PDGFC: variants seen among roughly 807,000 people sequenced by gnomAD.
PDGFC encodes the protein platelet-derived growth factor C.
Under a neutral mutation model 35.5 loss-of-function variants are expected in PDGFC, and 12 were observed. The ratio of observed to expected loss-of-function variants is 0.34; its 90% confidence interval spans 0.22 to 0.55. PDGFC has a LOEUF of 0.55. Among genes scored for constraint, PDGFC ranks in the 20% least tolerant of loss-of-function variants. The pLI, the probability that PDGFC is intolerant of heterozygous loss-of-function variation, is 0.91. For missense variants in PDGFC, 322 were observed against 412.4 expected, an observed-to-expected ratio of 0.78 and a Z score of 1.90; for synonymous variants, 159 against 148.8, an observed-to-expected ratio of 1.07 and a Z score of -0.50.
chr4:156,937,331 A>G (rs562778099), intron 1 of PDGFC, among the ~76,000 whole-genome samples: 1 of 152,174 alleles, frequency 6.6e-6, no homozygotes, highest in Non-Finnish European at 1.5e-5. Context: ...CGCAAACCCA[A>G]TATGAGGTAT....
At chr4:156,828,211 T>C (rs1728834268) in intron 2 of PDGFC, among the ~76,000 whole-genome samples, 1 of 152,180 alleles carries the variant, frequency 6.6e-6, no homozygotes, top group Non-Finnish European at 1.5e-5. Context: ...ATCCTTTTTC[T>C]TATACATTTT....
chr4:156,928,694 A>C (rs548702282), intron 1 of PDGFC, among the ~76,000 whole-genome samples: 105 of 152,278 alleles, frequency 6.9e-4, no homozygotes, highest in African/African-American at 2.4e-3. Context: ...GTTTCTTTTT[A>C]CCATTTTTAA....
chr4:156,961,003 C>T (rs943039026), intron 1 of PDGFC, among the ~76,000 whole-genome samples: 1 of 151,948 alleles, frequency 6.6e-6, no homozygotes, highest in African/African-American at 2.4e-5. Context: ...TTTCCCAGAC[C>T]CAGCAAGAAA....
intron 3 of PDGFC, among the ~76,000 whole-genome samples, chr4:156,784,943 G>A (rs1468006128): frequency 6.6e-6 from 1 of 152,148 alleles, no homozygotes; most frequent in East Asian, 1.9e-4. Flanking sequence ...ATTATTAATA[G>A]AGAAAATTAA....
intron 1 of PDGFC, among the ~76,000 whole-genome samples, chr4:156,960,254 A>T (rs575775800): frequency 8.5e-4 from 121 of 141,932 alleles, no homozygotes; most frequent in African/African-American, 2.7e-3. Context: ...TATAACTGTT[A>T]TATATATATA....
At chr4:156,891,267 G>C (rs371646648) in intron 1 of PDGFC, among the ~76,000 whole-genome samples, 15 of 104,840 alleles carry the variant, frequency 1.4e-4, no homozygotes, top group African/African-American at 4.7e-4. Flanking sequence ...GCGACAGAGC[G>C]AGACTCCGTC....
intron 1 of PDGFC, among the ~76,000 whole-genome samples, chr4:156,959,701 G>A (rs988107162): frequency 4.6e-5 from 7 of 151,934 alleles, no homozygotes; most frequent in African/African-American, 1.7e-4. Flanking sequence ...GTAAACTTGT[G>A]GCATTTACAC....
chr4:156,917,279 C>A (rs2110827464), intron 1 of PDGFC, among the ~76,000 whole-genome samples: 1 of 152,324 alleles, frequency 6.6e-6, no homozygotes, highest in Admixed American at 6.5e-5. Context: ...AAAGGTCACA[C>A]TTCACATTTT....
At chr4:156,853,923 A>C (rs1200335637) in intron 1 of PDGFC, among the ~76,000 whole-genome samples, 10 of 152,210 alleles carry the variant, frequency 6.6e-5, no homozygotes, top group Non-Finnish European at 1.5e-4. Context: ...TGATGGCACC[A>C]CTGCACTCCA....
At chr4:156,914,601 A>T (rs760371464) in intron 1 of PDGFC, among the ~76,000 whole-genome samples, 30 of 152,202 alleles carry the variant, frequency 2.0e-4, no homozygotes, top group Non-Finnish European at 3.5e-4. Context: ...AAGCCTATCC[A>T]CTAGGTTACT....
chr4:156,830,986 T>C (rs1375483897), intron 2 of PDGFC, among the ~76,000 whole-genome samples: 3 of 152,166 alleles, frequency 2.0e-5, no homozygotes, highest in African/African-American at 7.2e-5. Flanking sequence ...ATTTTTTGTA[T>C]GCCTATCCCT....
At chr4:156,882,683 A>T (rs1730271447) in intron 1 of PDGFC, among the ~76,000 whole-genome samples, 1 of 152,224 alleles carries the variant, frequency 6.6e-6, no homozygotes, top group African/African-American at 2.4e-5. Context: ...ACTAAAAGTG[A>T]CAGTAAATTC....
At chr4:156,870,618 T>C (rs1484662144) in intron 1 of PDGFC, among the ~76,000 whole-genome samples, 1 of 152,108 alleles carries the variant, frequency 6.6e-6, no homozygotes, top group African/African-American at 2.4e-5. Context: ...CGAAGACACT[T>C]CCACAAGGCT....
At chr4:156,851,731 CAGG>C (rs1729457903) in intron 1 of PDGFC, among the ~76,000 whole-genome samples, 1 of 151,818 alleles carries the variant, frequency 6.6e-6, no homozygotes, top group African/African-American at 2.4e-5. Flanking sequence ...ATCACGAGGT[CAGG>C]AGATCGAGAC....
At chr4:156,796,198 C>T (rs1042673026) in intron 3 of PDGFC, among the ~76,000 whole-genome samples, 4 of 152,120 alleles carry the variant, frequency 2.6e-5, no homozygotes, top group Admixed American at 2.0e-4. Context: ...ATTCTAAAGC[C>T]ATTTAGTGAT....
chr4:156,919,302 A>G (rs1318403538), intron 1 of PDGFC, among the ~76,000 whole-genome samples: 1 of 152,190 alleles, frequency 6.6e-6, no homozygotes, highest in Non-Finnish European at 1.5e-5. Flanking sequence ...GTGATCCCCA[A>G]CTTTCCTAAA....
chr4:156,970,275 A>T (rs1260024298), intron 1 of PDGFC, among the ~76,000 whole-genome samples: 1 of 152,172 alleles, frequency 6.6e-6, no homozygotes, highest in Non-Finnish European at 1.5e-5. Flanking sequence ...ACACTTTTTA[A>T]TTCCTCTAAA....
intron 2 of PDGFC, among the ~76,000 whole-genome samples, chr4:156,826,342 A>G (rs1007832444): frequency 6.6e-6 from 1 of 151,576 alleles, no homozygotes; most frequent in East Asian, 1.9e-4. Context: ...AGCTGGGATG[A>G]CAGGCACCTG....
Position 156,850,292 on chromosome 4 carries a change from C to T in PDGFC, c.243G>A (p.Glu81=). The change falls in exon 2 of 6, where the codon GAG becomes GAA. Residue 81 remains glutamate (E), a synonymous_variant. Coordinates refer to ENST00000502773, the MANE Select transcript of PDGFC (RefSeq NM_016205.3). ...TVLVWRLVAV[E]ENVWIQLTFD... is the part of the protein sequence containing the mutation. ...ACGTAAGTTGTATCCATACATTTTCCTCTACTGCTACTAATCTCCATACCA... is the reference window on the plus strand; with the variant it reads ...ACGTAAGTTGTATCCATACATTTTCTTCTACTGCTACTAATCTCCATACCA... 6.2e-7 allele frequency: 1 copy of T among 1,610,994 alleles called. No homozygotes were observed. Among genetic ancestry groups the T allele is most frequent in the Non-Finnish European group, 8.5e-7 (1 of 1,178,158 alleles).
Sources: gnomAD v4.1 joint callset for allele counts (sites outside exome capture counted in the v4.1 genomes callset) on GRCh38, gnomAD v4.1.1 for gene constraint, MANE v1.5 for transcripts, NCBI Gene and HGNC (gene_info 2026-07-23, HGNC 2026-07-21) for gene names.